CYRIB: variants seen among roughly 807,000 people sequenced by gnomAD.
The protein encoded by CYRIB is CYFIP-related Rac1 interactor B.
CYRIB carries 8 observed loss-of-function variants against 44.2 expected under a neutral mutation model. The observed-to-expected ratio is 0.18, with a 90% CI of 0.11 to 0.33. CYRIB has a LOEUF of 0.33. Among genes scored for constraint, CYRIB ranks in the 10% least tolerant of loss-of-function variants. CYRIB has a pLI of 1.00. For synonymous variants in CYRIB, 131 were observed against 127.2 expected (o/e 1.03, Z -0.20); for missense variants, 185 against 382.8 (o/e 0.48, Z 4.31).
chr8:129,997,081 G>A (rs2096787329), intron 1 of CYRIB, among the ~76,000 whole-genome samples: 1 of 141,728 alleles, frequency 7.1e-6, no homozygotes, highest in Non-Finnish European at 1.5e-5. Flanking sequence ...AGGGAGGGAG[G>A]GAGGGAAGGA....
Position 129,933,020 on chromosome 8 carries a change from A to G in CYRIB, c.-50+6588T>C, listed in dbSNP as rs150113036. On this transcript the variant is annotated intron_variant, in intron 1 of 11. Coordinates refer to ENST00000519824, the Ensembl canonical transcript of CYRIB. ...GTGGAAGGAGGGGAGTATCATAACA[A>G]TAAGGGCAACAAGCCCCATGGTCCC... Among the ~76,000 whole-genome samples the G allele has an allele frequency of 3.3e-5, 5 of 152,268 alleles. No individual in the cohort carries two copies. In the South Asian group the frequency reaches 8.3e-4, roughly 25 times the overall value.
intron 2 of CYRIB, among the ~76,000 whole-genome samples, chr8:129,969,964 G>C (rs535044858): frequency 6.6e-6 from 1 of 152,122 alleles, no homozygotes; most frequent in African/African-American, 2.4e-5. Context: ...ATTTGGATAC[G>C]GCCAAGGTGG....
In CYRIB at chr8:129,851,866, T is replaced by C. The variant is rs185890765; in HGVS notation, c.633+296A>G. ...AGTTGTAAGTTTTTGCCTGCACTGG[T>C]ACTGTTAATTGAGAAAGCAAAAACT... On this transcript the variant is annotated intron_variant, in intron 8 of 11. Transcript: ENST00000519824. The C allele has an allele frequency of 1.3e-3, 348 of 265,654 alleles. 1 individual carries two copies. The highest frequency in any genetic ancestry group is 7.3e-3 in the African/African-American group (333 of 45,596). The allele number at this position is 265,654 out of a possible 1,614,324, so 16.5% of individuals were successfully genotyped here. A position where few individuals can be genotyped will look rare whatever the true frequency, so the allele number is the denominator to read the frequency against.
chr8:129,854,038 G>A (rs2044792727), intron 7 of CYRIB, among the ~76,000 whole-genome samples: 1 of 152,176 alleles, frequency 6.6e-6, no homozygotes, highest in Admixed American at 6.5e-5. Flanking sequence ...ATACAGATAA[G>A]CAATTTTGTT....
At chr8:129,856,066 T>C (rs558303421) in intron 5 of CYRIB, among the ~76,000 whole-genome samples, 1 of 152,260 alleles carries the variant, frequency 6.6e-6, no homozygotes, top group African/African-American at 2.4e-5. Flanking sequence ...ATTACTTTAA[T>C]CACTTCACAC....
chr8:129,898,231 C>T (rs566490533), intron 2 of CYRIB, among the ~76,000 whole-genome samples: 4 of 152,018 alleles, frequency 2.6e-5, no homozygotes, highest in African/African-American at 7.2e-5. Flanking sequence ...CTTTGCATGA[C>T]GTTAGTGCTA....
At chr8:129,893,976 G>A (rs1343171664) in intron 2 of CYRIB, among the ~76,000 whole-genome samples, 1 of 151,810 alleles carries the variant, frequency 6.6e-6, no homozygotes, top group African/African-American at 2.4e-5. Context: ...TTTGAAAACT[G>A]GATTTTCTCA....
chr8:129,890,930 GAAGAA>G (rs1029395380), intron 2 of CYRIB, among the ~76,000 whole-genome samples: 4 of 151,542 alleles, frequency 2.6e-5, no homozygotes, highest in Admixed American at 6.6e-5. Context: ...AAAAATAAAA[GAAGAA>G]AAGAGAAGAG....
chr8:129,948,885 G>A (rs2131232313), intron 2 of CYRIB: 1 of 152,484 alleles, frequency 6.6e-6, no homozygotes, highest in South Asian at 2.0e-4. Context: ...GGCAACATGA[G>A]GAGACCCTGT....
At chr8:129,901,981 A>T (rs1432932697) in intron 2 of CYRIB, among the ~76,000 whole-genome samples, 1 of 152,200 alleles carries the variant, frequency 6.6e-6, no homozygotes, top group African/African-American at 2.4e-5. Flanking sequence ...TTTCCTTCTT[A>T]ATCCTATGTA....
At chr8:129,895,104 T>C (rs1224094832) in intron 2 of CYRIB, among the ~76,000 whole-genome samples, 3 of 61,690 alleles carry the variant, frequency 4.9e-5, no homozygotes, top group African/African-American at 6.4e-5. Context: ...TGCTAGTGTG[T>C]GTCGGCGGGG....
intron 1 of CYRIB, among the ~76,000 whole-genome samples, chr8:129,987,073 TA>T (rs2096483067): frequency 6.6e-6 from 1 of 152,196 alleles, no homozygotes; most frequent in Non-Finnish European, 1.5e-5. Flanking sequence ...ACCTTCCCCC[TA>T]CCCTACAGCG....
intron 3 of CYRIB, among the ~76,000 whole-genome samples, chr8:129,874,768 A>C (rs2058561348): frequency 6.6e-6 from 1 of 152,182 alleles, no homozygotes; most frequent in Non-Finnish European, 1.5e-5. Flanking sequence ...ACACCAGAAT[A>C]AAGATATTTC....
chr8:129,997,054 G>A (rs1464301899), intron 1 of CYRIB, among the ~76,000 whole-genome samples: 1 of 96,692 alleles, frequency 1.0e-5, no homozygotes, highest in Non-Finnish European at 1.9e-5. Flanking sequence ...AGGAAGGAAG[G>A]AGGGAGGGAG....
intron 1 of CYRIB, among the ~76,000 whole-genome samples, chr8:129,991,047 G>A (rs1015898399): frequency 2.7e-5 from 4 of 150,168 alleles, no homozygotes; most frequent in Non-Finnish European, 4.4e-5. Flanking sequence ...CAGGAGAAAC[G>A]CTTGAGCCCA....
chr8:129,932,220 T>C (rs2091714945), intron 1 of CYRIB, among the ~76,000 whole-genome samples: 1 of 151,966 alleles, frequency 6.6e-6, no homozygotes, highest in African/African-American at 2.4e-5. Context: ...GGCTGCTTCA[T>C]AGGTATCTCT....
chr8:129,873,535 A>T (rs2058100200), intron 3 of CYRIB, among the ~76,000 whole-genome samples: 1 of 152,034 alleles, frequency 6.6e-6, no homozygotes, highest in African/African-American at 2.4e-5. Context: ...ACTTTTTCAT[A>T]TGGAATTGTG....
At chr8:129,949,230 A>G (rs1240934141) in intron 2 of CYRIB, 1 of 152,250 alleles carries the variant, frequency 6.6e-6, no homozygotes, top group Non-Finnish European at 1.5e-5. Flanking sequence ...AAAGGATTTA[A>G]TGTGAAATAT....
chr8:129,872,955 C>T (rs1424670420), intron 3 of CYRIB, among the ~76,000 whole-genome samples: 6 of 151,948 alleles, frequency 3.9e-5, no homozygotes, highest in African/African-American at 1.4e-4. Flanking sequence ...TCCCTAAAAA[C>T]GGTAACGTTA....
Sources: gnomAD v4.1 joint callset for allele counts (sites outside exome capture counted in the v4.1 genomes callset) on GRCh38, gnomAD v4.1.1 for gene constraint, MANE v1.5 for transcripts, NCBI Gene and HGNC (gene_info 2026-07-23, HGNC 2026-07-21) for gene names.